Variants in CDHR4 observed in about 807,000 individuals in gnomAD.
The protein encoded by CDHR4 is cadherin-related family member 4.
Under a neutral mutation model 88.4 loss-of-function variants are expected in CDHR4, and 89 were observed. The ratio of observed to expected loss-of-function variants is 1.01; its 90% CI spans 0.85 to 1.20. CDHR4 has a LOEUF of 1.20. CDHR4 is among the 50% of genes most tolerant of loss of function. The probability of loss-of-function intolerance (pLI) is 0.00; values close to 1 mark genes in which losing one functional copy is unlikely to be tolerated. For synonymous variants in CDHR4, 368 were observed against 399.2 expected (o/e 0.92, Z 0.93); for missense variants, 914 against 1,007.2 (o/e 0.91, Z 1.25).
In CDHR4 at chr3:49,791,756, C is replaced by A. The variant is rs373288216; in HGVS notation, c.2241G>T (p.Pro747=). The change falls in exon 17 of 19, where the codon CCG becomes CCT. Residue 747 remains proline, a synonymous_variant. Coordinates refer to ENST00000412678, the MANE Select transcript of CDHR4 (RefSeq NM_001007540.4). ...EGSIEGFLEA[P]KMEMSQAPSS... ...TGGGTGCCTGGGACATCTCCATCTT[C>A]GGTGCCTCCAGGAAACCCTCGATGG... 9 of 1,551,564 alleles carry A rather than the reference C, an allele frequency of 5.8e-6. No individual in the cohort carries two copies. In the African/African-American group the frequency reaches 1.2e-4, roughly 21 times the overall value.
chr3:49,799,063 C>T lies in CDHR4; in HGVS notation c.334G>A (p.Gly112Ser). Reference protein sequence around the residue: ...KFTCGNHVMEGSLSVDVQRDL... With the variant: ...KFTCGNHVMESSLSVDVQRDL... Reference sequence around the variant, plus strand: ...CGCTGCACATCCACAGAGAGTGAGCCCTCCATCACATGGTTGCCACATGTG... The same window carrying T: ...CGCTGCACATCCACAGAGAGTGAGCTCTCCATCACATGGTTGCCACATGTG... Residue 112 changes from glycine (G) to serine (S), a missense_variant, in exon 3 of 19, where the codon GGC becomes AGC. Coordinates refer to ENST00000412678, the MANE Select transcript of CDHR4 (RefSeq NM_001007540.4). 6.3e-7 allele frequency: 1 copy of T among 1,589,466 alleles called. No homozygotes were observed. Among genetic ancestry groups the T allele is most frequent in the Non-Finnish European group, 8.6e-7 (1 of 1,168,008 alleles).
rs2081191911 is a variant in CDHR4, at chr3:49,792,360, C to T, written c.2138+108G>A. ...AGCCCTCCTCAATATCAGTTCGTCACCCACCTACTTGGGCATTGTCATCTA... is the reference window on the plus strand; with the variant it reads ...AGCCCTCCTCAATATCAGTTCGTCATCCACCTACTTGGGCATTGTCATCTA... On this transcript the variant is annotated intron_variant, in intron 15 of 18. Coordinates refer to ENST00000412678, the MANE Select transcript of CDHR4 (RefSeq NM_001007540.4). 3 of 1,380,462 alleles carry T rather than the reference C, an allele frequency of 2.2e-6. No individual in the cohort carries two copies. The African/African-American group carries it at 4.3e-5, about 20-fold the overall frequency. 85.5% of individuals were successfully genotyped at this position (1,380,462 alleles called of 1,614,324 possible).
In CDHR4 at chr3:49,799,790, A is replaced by G; in HGVS notation, c.23T>C (p.Val8Ala). ...AGAGACCACCGGAGCAAAGAGGAAC[A>G]CGAGGAGCCTGAGCAGCACCATGAT... MVLLRLLVFLFAPVVSDL... is the reference protein window; with the variant it reads MVLLRLLAFLFAPVVSDL... The change falls in exon 1 of 19, where the codon GTG becomes GCG. Residue 8 changes from valine (V) to alanine (A), a missense_variant. Val to Ala is a moderately conservative substitution (Grantham distance 64). Coordinates refer to ENST00000412678, the MANE Select transcript of CDHR4 (RefSeq NM_001007540.4). 1 of 1,613,978 alleles carries G rather than the reference A, an allele frequency of 6.2e-7. No individual in the cohort carries two copies.
At chr3:49,797,645 C>T (rs1271541860) in intron 4 of CDHR4, among the ~76,000 whole-genome samples, 1 of 152,104 alleles carries the variant, frequency 6.6e-6, no homozygotes, top group East Asian at 1.9e-4. Flanking sequence ...CCACGCCTGG[C>T]TAATTTTGGT....
In CDHR4 at chr3:49,795,285, G is replaced by C. The variant is rs2081252866; in HGVS notation, c.942C>G (p.Gly314=). Residue 314 remains glycine, a synonymous_variant, in exon 8 of 19, where the codon GGC becomes GGG. Transcript: ENST00000412678. The surrounding 1 kb of genome is among the most constrained non-coding windows in gnomAD (Gnocchi z 5.4). ...SRLQVKAFEQ[G]QLWASAKLNL... is the part of the protein sequence containing the mutation. ...TGAGCTTGGCACTGGCCCACAGCTG[G>C]CCCTGCTCAAAGGCCTTCACCTGCA... The C allele has an allele frequency of 1.3e-6, 2 of 1,551,650 alleles. No homozygotes were observed. Among genetic ancestry groups the C allele is most frequent in the East Asian group, 4.9e-5 (2 of 40,922 alleles).
At position 49,793,594 on chromosome 3, in the gene CDHR4, T is replaced by C; in HGVS notation, c.1612A>G (p.Ile538Val). ...HHLSGSCTIT[I>V]EVEDVNDHAP... ...TAGGACGCAATTACCTCAACCTCGA[T>C]GGTAATGGTACAGGAGCCTGAGAGG... Residue 538 changes from isoleucine to valine, a missense_variant, in exon 12 of 19, where the codon ATC becomes GTC. Transcript: ENST00000412678. 6.4e-7 allele frequency: 1 copy of C among 1,551,700 alleles called. No homozygotes were observed. Among genetic ancestry groups the C allele is most frequent in the Non-Finnish European group, 8.7e-7 (1 of 1,146,976 alleles).
chr3:49,799,458 A>G, intron 1 of CDHR4, 21 bp from the exon 2 acceptor site: 1 of 1,571,518 alleles, frequency 6.4e-7, no homozygotes, highest in Non-Finnish European at 8.6e-7. Flanking sequence ...CAGAGAATTC[A>G]GGCTGGAGGC....
In CDHR4 at chr3:49,793,696, C is replaced by A. The variant is rs1218710449; in HGVS notation, c.1510G>T (p.Asp504Tyr). The part of the protein sequence containing the change: ...SGEVHLLGPL[D>Y]YEQQRLYRLT... The stretch of plus-strand genomic sequence containing the variant: ...CTGTACAGCCTCTGCTGCTCATAGT[C>A]CAAAGGTCCCAGGAGGTGAACTTCC... The change falls in exon 12 of 19, where the codon GAC becomes TAC. Residue 504 changes from aspartate (D) to tyrosine (Y), a missense_variant. Physicochemically the swap from Asp to Tyr is radical, Grantham distance 160. Coordinates refer to ENST00000412678, the MANE Select transcript of CDHR4 (RefSeq NM_001007540.4). 1 of 1,551,726 alleles carries A rather than the reference C, an allele frequency of 6.4e-7. No individual in the cohort carries two copies. The highest frequency in any genetic ancestry group is 2.0e-5 in the Admixed American group (1 of 51,008).
Position 49,799,013 on chromosome 3 carries a change from A to G in CDHR4, c.384T>C (p.Ala128=), listed in dbSNP as rs1251134010. 1.2e-6 allele frequency: 2 copies of G among 1,608,334 alleles called. No homozygotes were observed. The highest frequency in any genetic ancestry group is 1.7e-6 in the Non-Finnish European group (2 of 1,177,580). The change falls in exon 3 of 19, where the codon GCT becomes GCC. Residue 128 remains alanine (A), a synonymous_variant. Coordinates refer to ENST00000412678, the MANE Select transcript of CDHR4 (RefSeq NM_001007540.4). Reference sequence around the variant, plus strand: ...CCTCACCTGGGCTGGCAAATTGACCAGCACACTGGATATGGCTAAGGTCCC... The same window carrying G: ...CCTCACCTGGGCTGGCAAATTGACCGGCACACTGGATATGGCTAAGGTCCC... ...VQRDLSHIQC[A]GQFASPAGEM... is the part of the protein sequence containing the mutation.
Position 49,795,424 on chromosome 3 carries a change from A to G in CDHR4, c.848-45T>C. ...ACAGAGGTCAGGGGTCAGGGAACACAGAGATCAGCCCCGCCTCCCAGCTCA... is the reference window on the plus strand; with the variant it reads ...ACAGAGGTCAGGGGTCAGGGAACACGGAGATCAGCCCCGCCTCCCAGCTCA... On this transcript the variant is annotated intron_variant, in intron 7 of 18. Coordinates refer to ENST00000412678, the MANE Select transcript of CDHR4 (RefSeq NM_001007540.4). This position sits in a 1 kb window ranked among gnomAD's most constrained non-coding sequence, Gnocchi z 5.4. 6.5e-7 allele frequency: 1 copy of G among 1,539,872 alleles called. No homozygotes were observed.
At chr3:49,792,301 C>G (rs1451480554) in intron 15 of CDHR4, among the ~76,000 whole-genome samples, 167 bp downstream of exon 15, 2 of 152,216 alleles carry the variant, frequency 1.3e-5, no homozygotes, top group Non-Finnish European at 2.9e-5. Context: ...CAGTGTCTCT[C>G]TGACCCTAAT....
At position 49,793,957 on chromosome 3, in the gene CDHR4, T is replaced by G; in HGVS notation, c.1329A>C (p.Pro443=). The G allele has an allele frequency of 6.4e-7, 1 of 1,551,738 alleles. No homozygotes were observed. The highest frequency in any genetic ancestry group is 8.7e-7 in the Non-Finnish European group (1 of 1,146,990). The change falls in exon 11 of 19, where the codon CCA becomes CCC. Residue 443 remains proline (P), a synonymous_variant. Transcript: ENST00000412678. ...VMVTPINEFS[P]ACAPRTFRVQ... ...CCCGGAACGTGCGAGGGGCACAGGC[T>G]GGGGAGAACTCGTTGATGGGTGTCA... is the stretch of plus-strand genomic sequence containing the variant.
At position 49,793,825 on chromosome 3, in the gene CDHR4, G is replaced by A. The variant is rs1238482880; in HGVS notation, c.1461C>T (p.Thr487=). 8.4e-6 allele frequency: 13 copies of A among 1,551,678 alleles called. No homozygotes were observed. Among genetic ancestry groups the A allele is most frequent in the Admixed American group, 3.9e-5 (2 of 50,996 alleles). The change falls in exon 11 of 19, where the codon ACC becomes ACT. Residue 487 remains threonine (T), a synonymous_variant. Transcript: ENST00000412678. ...TACCGCTGAGACGGTCCACAGCAAAGGTGGTAGGACCACCAGAGGTGTAGT... is the reference window on the plus strand; with the variant it reads ...TACCGCTGAGACGGTCCACAGCAAAAGTGGTAGGACCACCAGAGGTGTAGT... The part of the protein sequence containing the change: ...IEYYTSGGPT[T]FAVDRLSGEV...
upstream of CDHR4, among the ~76,000 whole-genome samples, chr3:49,802,687 G>A (rs2081377494): frequency 6.6e-6 from 1 of 152,236 alleles, no homozygotes; most frequent in Admixed American, 6.5e-5. Flanking sequence ...AGGGAATGCC[G>A]ACGGTCGCGC....
chr3:49,792,677 C>T (rs924457449), intron 14 of CDHR4, 67 bp from the exon 15 acceptor site: 1 of 1,535,930 alleles, frequency 6.5e-7, no homozygotes, highest in African/African-American at 1.4e-5. Flanking sequence ...CCTTCCAACC[C>T]TTCCCCGGGC....
chr3:49,794,569 G>C (rs759369620), intron 10 of CDHR4, 39 bp downstream of exon 10: 1 of 1,490,030 alleles, frequency 6.7e-7, no homozygotes, highest in Non-Finnish European at 9.1e-7. Context: ...GGACAGAACA[G>C]CCTTGTCCTG....
At position 49,799,785 on chromosome 3, in the gene CDHR4, G is replaced by A; in HGVS notation, c.28C>T (p.Leu10Phe). ...TCACCAGAGACCACCGGAGCAAAGA[G>A]GAACACGAGGAGCCTGAGCAGCACC... MVLLRLLVFLFAPVVSDLCS... is the reference protein window; with the variant it reads MVLLRLLVFFFAPVVSDLCS... Residue 10 changes from leucine (L) to phenylalanine (F), a missense_variant, in exon 1 of 19, where the codon CTC becomes TTC. Leu to Phe is a conservative substitution (Grantham distance 22, BLOSUM62 0). Transcript: ENST00000412678. 6.2e-7 allele frequency: 1 copy of A among 1,613,946 alleles called. No homozygotes were observed.
Position 49,795,667 on chromosome 3 carries a change from G to A in CDHR4, c.808C>T (p.Leu270=), listed in dbSNP as rs1403465910. 6.4e-7 allele frequency: 1 copy of A among 1,551,684 alleles called. No homozygotes were observed. The highest frequency in any genetic ancestry group is 8.7e-7 in the Non-Finnish European group (1 of 1,146,986). ...AAGAGTGGGCTGGGCACCGGAGACA[G>A]GATTTCATAGCGCAGGTCGACACCC... ...ARGVDLRYEI[L]SPVPSPLFSI... Residue 270 remains leucine (L), a synonymous_variant, in exon 7 of 19, where the codon CTG becomes TTG. Coordinates refer to ENST00000412678, the MANE Select transcript of CDHR4 (RefSeq NM_001007540.4). The surrounding 1 kb of genome is among the most constrained non-coding windows in gnomAD (Gnocchi z 5.4).
At chr3:49,798,196 G>A (rs2081300887) in intron 4 of CDHR4, 1 of 150,758 alleles carries the variant, frequency 6.6e-6, no homozygotes. Flanking sequence ...CACCGTGCCT[G>A]GCCATTACCT....
Sources: allele counts gnomAD v4.1 joint callset (sites outside exome capture counted in the v4.1 genomes callset), GRCh38; gene constraint gnomAD v4.1.1; non-coding constraint Gnocchi (gnomAD v3.1); transcripts MANE v1.5; gene names NCBI Gene and HGNC (gene_info 2026-07-23, HGNC 2026-07-21).